The following CDK13 variants were observed in gnomAD, a reference collection of about 807,000 sequenced individuals.
The protein encoded by CDK13 is cyclin dependent kinase 13, also known as cyclin-dependent kinase 13.
CDK13 carries 40 observed loss-of-function variants against 137.6 expected under a neutral mutation model. The observed-to-expected ratio is 0.29, with a 90% CI of 0.23 to 0.38. CDK13 has a LOEUF of 0.38. Among genes scored for constraint, CDK13 ranks in the 10% least tolerant of loss-of-function variants. The pLI is 1.00. For synonymous variants in CDK13, 869 were observed against 760.1 expected (o/e 1.14, Z -2.36); for missense variants, 1,704 against 1,951.8 (o/e 0.87, Z 2.39).
chr7:40,090,442 C>T (rs1273655036), intron 12 of CDK13, among the ~76,000 whole-genome samples: 1 of 152,214 alleles, frequency 6.6e-6, no homozygotes, highest in Non-Finnish European at 1.5e-5. Context: ...CAATCTCCGC[C>T]TCCCAGGTTC....
intron 9 of CDK13, among the ~76,000 whole-genome samples, chr7:40,075,509 A>G (rs1393849851): frequency 6.6e-6 from 1 of 152,198 alleles, no homozygotes; most frequent in Admixed American, 6.5e-5. Context: ...AAATTTTAGT[A>G]TAATGAAACT....
chr7:39,951,492 A>G lies in CDK13; in HGVS notation c.851A>G (p.Lys284Arg). 1 of 1,537,766 alleles carries G rather than the reference A, an allele frequency of 6.5e-7. No homozygotes were observed. Among genetic ancestry groups the G allele is most frequent in the African/African-American group, 1.4e-5 (1 of 71,564 alleles). The change falls in exon 1 of 14, where the codon AAG becomes AGG. Residue 284 changes from lysine to arginine, a missense_variant. Around this residue, in one of 5 missense-constraint regions of CDK13, gnomAD observed 1,051 missense variants for 931.0 expected, o/e 1.13. Transcript: ENST00000181839. ...TCGAAGGCCCACCGCAGCCGGACTA[A>G]GTCGTCCAAGGAGCCGCCTTCGGCC... ...RDSKAHRSRTKSSKEPPSAYK... is the reference protein window; with the variant it reads ...RDSKAHRSRTRSSKEPPSAYK...
intron 7 of CDK13, among the ~76,000 whole-genome samples, chr7:40,058,796 A>G (rs1786077954): frequency 6.6e-6 from 1 of 152,146 alleles, no homozygotes; most frequent in Non-Finnish European, 1.5e-5. Flanking sequence ...TAGAAAATAG[A>G]TCCCAGATTT....
At chr7:40,029,482 G>C (rs1374690752) in intron 5 of CDK13, among the ~76,000 whole-genome samples, 1 of 151,752 alleles carries the variant, frequency 6.6e-6, no homozygotes. Context: ...AGCACTTTGG[G>C]AGGCTGAGGT....
intron 5 of CDK13, among the ~76,000 whole-genome samples, chr7:40,025,166 T>TC (rs11415209): frequency 1 from 152,303 of 152,306 alleles, 76,150 homozygotes; most frequent in Non-Finnish European, 1. Flanking sequence ...AAGTATCTCT[T>TC]CTGATAGCTG....
chr7:39,973,446 A>G (rs1253249373), intron 1 of CDK13, among the ~76,000 whole-genome samples: 4 of 152,150 alleles, frequency 2.6e-5, no homozygotes, highest in Non-Finnish European at 4.4e-5. Flanking sequence ...TTCTTTGCCC[A>G]TTTTTAAATT....
intron 1 of CDK13, among the ~76,000 whole-genome samples, chr7:39,965,081 T>C (rs560982718): frequency 3.3e-5 from 5 of 152,346 alleles, no homozygotes; most frequent in African/African-American, 1.2e-4. Context: ...GGTGTGGTGC[T>C]GAAAAGAATG....
intron 5 of CDK13, among the ~76,000 whole-genome samples, chr7:40,029,823 T>C (rs928826704): frequency 7.2e-5 from 11 of 151,924 alleles, no homozygotes; most frequent in Non-Finnish European, 1.6e-4. Context: ...CTGCTAATTT[T>C]TTGTAGTTTT....
chr7:39,964,735 T>A (rs1216997679), intron 1 of CDK13, among the ~76,000 whole-genome samples: 2 of 152,192 alleles, frequency 1.3e-5, no homozygotes, highest in Non-Finnish European at 1.5e-5. Context: ...ATTTTAGATC[T>A]TTCCTGCTTT....
At chr7:40,042,739 G>GA (rs372163862) in intron 5 of CDK13, among the ~76,000 whole-genome samples, 3,298 of 150,166 alleles carry the variant, frequency 0.022, 112 homozygotes, top group African/African-American at 0.077. Context: ...CTCGGCCTCC[G>GA]AAAGTGTTGG....
intron 1 of CDK13, among the ~76,000 whole-genome samples, chr7:39,977,479 G>A (rs1417292572): frequency 6.6e-6 from 1 of 152,200 alleles, no homozygotes; most frequent in Non-Finnish European, 1.5e-5. Flanking sequence ...ACAGAATTGT[G>A]ATGGGATCGT....
In CDK13 at chr7:40,062,838, T is replaced by C. The variant is rs774523074; in HGVS notation, c.2613T>C (p.Thr871=). 3.1e-6 allele frequency: 5 copies of C among 1,612,432 alleles called. No homozygotes were observed. In the African/African-American group the frequency reaches 5.3e-5, roughly 17 times the overall value. The change falls in exon 8 of 14, where the codon ACT becomes ACC. Residue 871 remains threonine (T), a synonymous_variant. Transcript: ENST00000181839. ...LYSSEESRPY[T]NKVITLWYRP... is the part of the protein sequence containing the mutation. Reference sequence around the variant, plus strand: ...CTGTGTTTTTTAGTCGGCCGTATACTAACAAGGTAATTACTTTATGGTACC... The same window carrying C: ...CTGTGTTTTTTAGTCGGCCGTATACCAACAAGGTAATTACTTTATGGTACC...
At chr7:40,050,222 G>T (rs900212114) in intron 7 of CDK13, among the ~76,000 whole-genome samples, 21 of 152,234 alleles carry the variant, frequency 1.4e-4, no homozygotes, top group East Asian at 7.7e-4. Flanking sequence ...ATCAAAAAAT[G>T]TTAGCAGAGC....
At chr7:40,034,242 T>C (rs1785437421) in intron 5 of CDK13, among the ~76,000 whole-genome samples, 1 of 152,234 alleles carries the variant, frequency 6.6e-6, no homozygotes, top group Non-Finnish European at 1.5e-5. Flanking sequence ...AGGAGCTTTC[T>C]GCAGTTGTAA....
At chr7:39,969,157 A>C (rs1268371516) in intron 1 of CDK13, among the ~76,000 whole-genome samples, 1 of 151,964 alleles carries the variant, frequency 6.6e-6, no homozygotes, top group African/African-American at 2.4e-5. Flanking sequence ...TTACAGGCAC[A>C]CACCACCACG....
intron 1 of CDK13, among the ~76,000 whole-genome samples, chr7:39,960,767 G>A (rs1042290421): frequency 7.3e-5 from 11 of 150,654 alleles, no homozygotes; most frequent in African/African-American, 1.7e-4. Flanking sequence ...TAGAGATGAG[G>A]TTTTGCCATG....
intron 1 of CDK13, among the ~76,000 whole-genome samples, chr7:39,975,421 C>CA (rs964971000): frequency 9.9e-5 from 15 of 150,936 alleles, no homozygotes; most frequent in African/African-American, 3.4e-4. Context: ...CAAAGCAAAA[C>CA]AAAAAAAACC....
intron 10 of CDK13, 106 bp from the exon 11 acceptor site, chr7:40,078,614 T>C: frequency 3.8e-6 from 2 of 525,868 alleles, no homozygotes; most frequent in South Asian, 1.3e-4. Flanking sequence ...TTTTAAATGA[T>C]CTTAGTTTTA....
chr7:40,039,566 G>C (rs1785560550), intron 5 of CDK13, among the ~76,000 whole-genome samples: 1 of 149,656 alleles, frequency 6.7e-6, no homozygotes, highest in African/African-American at 2.5e-5. Flanking sequence ...TGAATAGCTG[G>C]GATTATAGGC....
Sources: allele counts gnomAD v4.1 joint callset (sites outside exome capture counted in the v4.1 genomes callset), GRCh38; gene constraint gnomAD v4.1.1; regional missense constraint gnomAD v4.1.1; transcripts MANE v1.5; gene names NCBI Gene and HGNC (gene_info 2026-07-23, HGNC 2026-07-21).